Variants in TRAF3IP1 observed in about 807,000 individuals in gnomAD.
TRAF3IP1 encodes the protein intraflagellar transport 54, also known as TRAF3-interacting protein 1.
TRAF3IP1 carries 53 observed loss-of-function variants against 89.9 expected under a neutral mutation model. That is an observed-to-expected ratio of 0.59 (90% CI 0.47 to 0.74). The LOEUF (loss-of-function observed/expected upper bound fraction) is 0.74, where lower values mean the gene tolerates loss of function less well. Among genes scored for constraint, TRAF3IP1 ranks in the 30% least tolerant of loss-of-function variants. The pLI is 0.00. For missense variants in TRAF3IP1, 806 were observed against 866.1 expected (o/e 0.93, Z 0.87); for synonymous variants, 311 against 322.1 (o/e 0.97, Z 0.37).
intron 5 of TRAF3IP1, among the ~76,000 whole-genome samples, chr2:238,331,347 C>T (rs1371144677): frequency 1.3e-5 from 2 of 151,046 alleles, no homozygotes; most frequent in African/African-American, 4.9e-5. Context: ...TGTGGTGGCA[C>T]GTGCCTGTAG....
intron 8 of TRAF3IP1, among the ~76,000 whole-genome samples, chr2:238,343,390 CT>C (rs957805180): frequency 3.2e-4 from 49 of 151,050 alleles, no homozygotes; most frequent in African/African-American, 4.4e-4. Flanking sequence ...GGCTCCTACC[CT>C]TTTTTTTTCA....
chr2:238,321,882 C>T (rs776881900), intron 1 of TRAF3IP1, among the ~76,000 whole-genome samples: 16 of 152,200 alleles, frequency 1.1e-4, no homozygotes, highest in Non-Finnish European at 1.8e-4. Flanking sequence ...GGTTGGGTGC[C>T]TTATTCTTGC....
intron 15 of TRAF3IP1, among the ~76,000 whole-genome samples, chr2:238,371,553 A>G (rs563486642): frequency 6.6e-6 from 1 of 152,322 alleles, no homozygotes; most frequent in Admixed American, 6.5e-5. Flanking sequence ...TCAAAAAAAG[A>G]TTGTTCTTAT....
chr2:238,381,179 C>T (rs1700535877), intron 15 of TRAF3IP1, among the ~76,000 whole-genome samples: 1 of 149,380 alleles, frequency 6.7e-6, no homozygotes, highest in Admixed American at 6.7e-5. Context: ...CATGGAACTC[C>T]TGGGTCAGCT....
At chr2:238,337,807 G>A (rs1698455798) in intron 7 of TRAF3IP1, among the ~76,000 whole-genome samples, 1 of 152,182 alleles carries the variant, frequency 6.6e-6, no homozygotes, top group Non-Finnish European at 1.5e-5. Flanking sequence ...GGGTGGCAGT[G>A]TTAGGAATTC....
chr2:238,382,601 C>T (rs987427763), intron 15 of TRAF3IP1, among the ~76,000 whole-genome samples: 10 of 151,914 alleles, frequency 6.6e-5, no homozygotes, highest in Non-Finnish European at 1.0e-4. Flanking sequence ...CAGGCCTTTT[C>T]CTGGGAGCGG....
At chr2:238,361,516 T>G (rs1336846574) in intron 15 of TRAF3IP1, among the ~76,000 whole-genome samples, 3 of 152,194 alleles carry the variant, frequency 2.0e-5, no homozygotes, top group African/African-American at 7.2e-5. Context: ...CGTCTAGGTC[T>G]CTGCGTGGTC....
intron 15 of TRAF3IP1, among the ~76,000 whole-genome samples, chr2:238,357,132 C>T (rs145859473): frequency 2.6e-3 from 391 of 152,142 alleles, no homozygotes; most frequent in African/African-American, 7.9e-3. Context: ...CCTGGTTCCC[C>T]GCAGTCTCCC....
At chr2:238,384,337 G>GATGGATGTATGT (rs71402785) in intron 15 of TRAF3IP1, among the ~76,000 whole-genome samples, 1 of 139,638 alleles carries the variant, frequency 7.2e-6, no homozygotes, top group South Asian at 2.3e-4. Flanking sequence ...GAATCAACCT[G>GATGGATGTATGT]ATGTATGTAT....
rs1697498034 is a variant in TRAF3IP1 at position 238,320,885 on chromosome 2, CG to C, written c.123+103del. On this transcript the variant is annotated intron_variant, in intron 1 of 16. Coordinates refer to ENST00000373327, the MANE Select transcript of TRAF3IP1 (RefSeq NM_015650.4). ...GGTGGCGCCGGGTGCGAGCCGGGCTCGGGCTCAGGTGCGGGTCGGGGGCCGG... is the reference window on the plus strand; with the variant it reads ...GGTGGCGCCGGGTGCGAGCCGGGCTCGGCTCAGGTGCGGGTCGGGGGCCGG... 3 of 1,070,756 alleles carry C rather than the reference CG, an allele frequency of 2.8e-6. No individual in the cohort carries two copies. The South Asian group carries it at 1.2e-4, about 43-fold the overall frequency. The allele number at this position is 1,070,756 out of a possible 1,614,324, so 66.3% of individuals were successfully genotyped here.
intron 15 of TRAF3IP1, among the ~76,000 whole-genome samples, chr2:238,357,038 A>C (rs537125115): frequency 1.4e-3 from 210 of 152,244 alleles, no homozygotes; most frequent in African/African-American, 4.9e-3. Flanking sequence ...TTGGCCTCCC[A>C]AAGTGCTGGG....
Position 238,345,270 on chromosome 2 carries a change from G to A in TRAF3IP1, c.1261+672G>A, listed in dbSNP as rs1465867950. On this transcript the variant is annotated intron_variant, in intron 9 of 16. Transcript: ENST00000373327. The surrounding 1 kb of genome is among the most constrained non-coding windows in gnomAD (Gnocchi z 4.7). Reference sequence around the variant, plus strand: ...CAGCCCTGAGGCTGGGAGCGCATGAGCCAGTGAAGTCAGGCTGGCCTCCTG... The same window carrying A: ...CAGCCCTGAGGCTGGGAGCGCATGAACCAGTGAAGTCAGGCTGGCCTCCTG... Among the ~76,000 whole-genome samples the A allele has an allele frequency of 6.6e-6, 1 of 152,250 alleles. No individual in the cohort carries two copies. Among genetic ancestry groups the A allele is most frequent in the Admixed American group, 6.5e-5 (1 of 15,288 alleles).
At chr2:238,348,195 T>C (rs1224479730) in intron 10 of TRAF3IP1, among the ~76,000 whole-genome samples, 1 of 151,814 alleles carries the variant, frequency 6.6e-6, no homozygotes, top group Non-Finnish European at 1.5e-5. Context: ...GTAGAAAAAT[T>C]TAAAAATGCA....
intron 15 of TRAF3IP1, among the ~76,000 whole-genome samples, chr2:238,391,000 G>C (rs1023383709): frequency 6.6e-6 from 1 of 152,038 alleles, no homozygotes; most frequent in Non-Finnish European, 1.5e-5. Flanking sequence ...TGTTGCCCAG[G>C]CTGGAGTACA....
chr2:238,390,685 A>G (rs1256233937), intron 15 of TRAF3IP1, among the ~76,000 whole-genome samples: 1 of 152,212 alleles, frequency 6.6e-6, no homozygotes. Flanking sequence ...AGGGTTTACT[A>G]TGTGTGAGGC....
At chr2:238,377,993 GTAGTT>G (rs995190248) in intron 15 of TRAF3IP1, among the ~76,000 whole-genome samples, 25 of 152,214 alleles carry the variant, frequency 1.6e-4, no homozygotes, top group South Asian at 1.0e-3. Context: ...TGCTCTGGAT[GTAGTT>G]TAGTTTAGTT....
chr2:238,395,346 T>C (rs577775), intron 15 of TRAF3IP1, among the ~76,000 whole-genome samples: 110,622 of 152,112 alleles, frequency 0.73, 40,462 homozygotes, highest in Middle Eastern at 0.78. Context: ...AAAGCTGAAA[T>C]TGGATCCCTT....
At chr2:238,344,633 G>C (rs1269656058) in intron 9 of TRAF3IP1, 35 bp downstream of exon 9, 1 of 1,562,234 alleles carries the variant, frequency 6.4e-7, no homozygotes, top group Non-Finnish European at 8.8e-7. Flanking sequence ...TTCCTGGCGA[G>C]AGCAGAGTGA....
chr2:238,320,891 C>G (rs1373867174), intron 1 of TRAF3IP1, 106 bp downstream of exon 1: 2 of 1,022,178 alleles, frequency 2.0e-6, no homozygotes, highest in Admixed American at 4.8e-5. Flanking sequence ...GGCTCGGGCT[C>G]AGGTGCGGGT....
Sources: gnomAD v4.1 joint callset for allele counts (sites outside exome capture counted in the v4.1 genomes callset) on GRCh38, gnomAD v4.1.1 for gene constraint, Gnocchi (gnomAD v3.1) non-coding constraint, MANE v1.5 for transcripts, NCBI Gene and HGNC (gene_info 2026-07-23, HGNC 2026-07-21) for gene names.